TAP2: variants seen among roughly 807,000 people sequenced by gnomAD.
TAP2 encodes antigen peptide transporter 2.
In TAP2, 49 loss-of-function variants were observed where a neutral mutation model predicts 74.7. That is an observed-to-expected ratio of 0.66 (90% confidence interval 0.52 to 0.83). The LOEUF is 0.83. TAP2 is among the 40% of genes least tolerant of loss of function. The pLI is 0.00. For missense variants in TAP2, 739 were observed against 859.0 expected (o/e 0.86, Z 1.75); for synonymous variants, 306 against 368.4 (o/e 0.83, Z 1.94).
Position 32,829,384 on chromosome 6 carries a change from C to T in TAP2, c.1932+16G>A, listed in dbSNP as rs1374351084. 2.5e-6 allele frequency: 4 copies of T among 1,584,512 alleles called. No homozygotes were observed. Among genetic ancestry groups the T allele is most frequent in the Non-Finnish European group, 3.4e-6 (4 of 1,164,664 alleles). ...CTCCCAGGCCCCACTGTCCCCTGCC[C>T]TCTCACGGTACTCACGGCCTGCTCG... On this transcript the variant is annotated intron_variant, in intron 11 of 11. Transcript: ENST00000374897.
At position 32,832,328 on chromosome 6, in the gene TAP2, C is replaced by G; in HGVS notation, c.1272+5G>C. The G allele has an allele frequency of 6.2e-7, 1 of 1,613,022 alleles. No homozygotes were observed. The highest frequency in any genetic ancestry group is 1.7e-4 in the Middle Eastern group (1 of 6,048). The stretch of plus-strand genomic sequence containing the variant: ...AAAGGAGAGCAGGCTTGGCTTCTCG[C>G]TCACCTGCACATAGCTCCCCACGCT... On this transcript the variant is annotated splice_donor_5th_base_variant and intron_variant, in intron 7 of 11. Coordinates refer to ENST00000374897, the MANE Select transcript of TAP2 (RefSeq NM_001290043.2). This position sits in a 1 kb window ranked among gnomAD's most constrained non-coding sequence, Gnocchi z 5.9.
In TAP2 at chr6:32,830,411, C is replaced by T. The variant is rs757427345; in HGVS notation, c.1491G>A (p.Glu497=). 1 of 1,612,896 alleles carries T rather than the reference C, an allele frequency of 6.2e-7. No homozygotes were observed. Among genetic ancestry groups the T allele is most frequent in the South Asian group, 1.1e-5 (1 of 91,090 alleles). The change falls in exon 9 of 12, where the codon GAG becomes GAA. Residue 497 remains glutamate, a synonymous_variant. Coordinates refer to ENST00000374897, the MANE Select transcript of TAP2 (RefSeq NM_001290043.2). ...KGLTFTLRPG[E]VTALVGPNGS... ...CATTGGGTCCCACCAGCGCCGTCACCTCACCAGGACGTAGGGTAAACGTCA... is the reference window on the plus strand; with the variant it reads ...CATTGGGTCCCACCAGCGCCGTCACTTCACCAGGACGTAGGGTAAACGTCA...
intron 5 of TAP2, among the ~76,000 whole-genome samples, chr6:32,833,577 T>G (rs1387984738): frequency 6.6e-6 from 1 of 151,758 alleles, no homozygotes; most frequent in Non-Finnish European, 1.5e-5. Context: ...AAAACCACAA[T>G]GAGATAATCC....
rs748491551 is a variant in TAP2 at position 32,835,148 on chromosome 6, G to A, written c.945+6C>T. 1.5e-5 allele frequency: 24 copies of A among 1,612,030 alleles called. No individual in the cohort carries two copies. In the East Asian group the frequency reaches 1.6e-4, roughly 10 times the overall value. On this transcript the variant is annotated splice_donor_region_variant and intron_variant, in intron 5 of 11. Coordinates refer to ENST00000374897, the MANE Select transcript of TAP2 (RefSeq NM_001290043.2). This position sits in a 1 kb window ranked among gnomAD's most constrained non-coding sequence, Gnocchi z 4.0. Reference sequence around the variant, plus strand: ...CCCTTTGGGGTTCCCTTACATGCACGCTCACCTGATGGCGGGTGTTGTACA... The same window carrying A: ...CCCTTTGGGGTTCCCTTACATGCACACTCACCTGATGGCGGGTGTTGTACA...
At position 32,826,364 on chromosome 6, in the gene TAP2, T is replaced by C. The variant is rs1768649366; in HGVS notation, c.*2542A>G. ...CATTCATACTTTCCTTTAGAAAGAA[T>C]AAGGCATGCCTGGGTGGGAAAGATA... On this transcript the variant is annotated 3_prime_UTR_variant, in exon 12 of 12. Transcript: ENST00000374897. The C allele has an allele frequency of 1.0e-6, 1 of 985,262 alleles. No individual in the cohort carries two copies. Among genetic ancestry groups the C allele is most frequent in the Non-Finnish European group, 1.2e-6 (1 of 829,938 alleles). The allele number at this position is 985,262 out of a possible 1,614,324, so 61.0% of individuals were successfully genotyped here.
At position 32,835,888 on chromosome 6, in the gene TAP2, C is replaced by T; in HGVS notation, c.609-115G>A. On this transcript the variant is annotated intron_variant, in intron 3 of 11. Transcript: ENST00000374897. This position sits in a 1 kb window ranked among gnomAD's most constrained non-coding sequence, Gnocchi z 4.0. The stretch of plus-strand genomic sequence containing the variant: ...AGCGCAAAGTCAGGGGAAAGCATGC[C>T]AGGAGGGGCAAAAGAGAAAGAAATG... 1 of 1,322,970 alleles carries T rather than the reference C, an allele frequency of 7.6e-7. No individual in the cohort carries two copies. The highest frequency in any genetic ancestry group is 1.1e-6 in the Non-Finnish European group (1 of 929,526). The allele number at this position is 1,322,970 out of a possible 1,614,324, so 82.0% of individuals were successfully genotyped here.
Position 32,832,364 on chromosome 6 carries a change from A to T in TAP2, c.1241T>A (p.Ile414Asn). 6.2e-7 allele frequency: 1 copy of T among 1,613,014 alleles called. No individual in the cohort carries two copies. The change falls in exon 7 of 12, where the codon ATC (isoleucine) becomes AAC (asparagine). Residue 414 changes from isoleucine to asparagine, a missense_variant. By Grantham distance (149) the Ile-to-Asn change is moderately radical. Transcript: ENST00000374897. This position sits in a 1 kb window ranked among gnomAD's most constrained non-coding sequence, Gnocchi z 5.9. ...ATAGCTCCCCACGCTCTCCTGGTAG[A>T]TCATAAAGGAAAGCAGGCTGCCCTG... The part of the protein sequence containing the change: ...LTQGSLLSFM[I>N]YQESVGSYVQ...
Position 32,827,111 on chromosome 6 carries a change from G to T in TAP2, c.*1795C>A. The T allele has an allele frequency of 1.0e-6, 1 of 985,740 alleles. No individual in the cohort carries two copies. Among genetic ancestry groups the T allele is most frequent in the Non-Finnish European group, 1.2e-6 (1 of 829,936 alleles). The allele number at this position is 985,740 out of a possible 1,614,324, so 61.1% of individuals were successfully genotyped here. A position where few individuals can be genotyped will look rare whatever the true frequency, so the allele number is the denominator to read the frequency against. ...TCACTGCACCCTGCTCCCAACAGCT[G>T]CCAGGCAAGAAAAAATCCAAAACAG... is the stretch of plus-strand genomic sequence containing the variant. On this transcript the variant is annotated 3_prime_UTR_variant, in exon 12 of 12. Transcript: ENST00000374897.
chr6:32,822,325 A>T, downstream of TAP2: 1 of 1,489,456 alleles, frequency 6.7e-7, no homozygotes, highest in Middle Eastern at 1.8e-4. Flanking sequence ...TTTTCTAGAA[A>T]AAAAAAACAA....
At position 32,827,058 on chromosome 6, in the gene TAP2, C is replaced by T. The variant is rs139154453; in HGVS notation, c.*1848G>A. 2.0e-6 allele frequency: 2 copies of T among 985,638 alleles called. No homozygotes were observed. Among genetic ancestry groups the T allele is most frequent in the Non-Finnish European group, 2.4e-6 (2 of 829,940 alleles). The allele number at this position is 985,638 out of a possible 1,614,324, so 61.1% of individuals were successfully genotyped here. A position where few individuals can be genotyped will look rare whatever the true frequency, so the allele number is the denominator to read the frequency against. ...AGGATGAAAGAAAGGCAAATCTGCACAAGAAACTGCCCACTCTCACCCCAT... is the reference window on the plus strand; with the variant it reads ...AGGATGAAAGAAAGGCAAATCTGCATAAGAAACTGCCCACTCTCACCCCAT... On this transcript the variant is annotated 3_prime_UTR_variant, in exon 12 of 12. Coordinates refer to ENST00000374897, the MANE Select transcript of TAP2 (RefSeq NM_001290043.2).
chr6:32,823,950 C>T (rs1033207879), downstream of TAP2, among the ~76,000 whole-genome samples: 3 of 151,600 alleles, frequency 2.0e-5, no homozygotes, highest in Non-Finnish European at 2.9e-5. Context: ...ACAAAACTAG[C>T]TCATATCCTC....
chr6:32,831,304 T>G (rs940145119), intron 7 of TAP2, among the ~76,000 whole-genome samples: 3 of 152,212 alleles, frequency 2.0e-5, no homozygotes, highest in African/African-American at 7.2e-5. Context: ...CTGCCTTTCC[T>G]CATCAAACTG....
intron 5 of TAP2, among the ~76,000 whole-genome samples, chr6:32,834,379 A>G (rs1769277874): frequency 6.6e-6 from 1 of 152,264 alleles, no homozygotes; most frequent in Admixed American, 6.5e-5. Flanking sequence ...AAAATATGCC[A>G]GTCACAAAAA....
At chr6:32,822,931 T>C (rs1582544694), downstream of TAP2, among the ~76,000 whole-genome samples, 1 of 148,328 alleles carries the variant, frequency 6.7e-6, no homozygotes, top group East Asian at 1.9e-4. Flanking sequence ...TTTTTTTTTT[T>C]TTTTTTGAGG....
In TAP2 at chr6:32,827,647, G is replaced by A; in HGVS notation, c.*1259C>T. On this transcript the variant is annotated 3_prime_UTR_variant, in exon 12 of 12. Coordinates refer to ENST00000374897, the MANE Select transcript of TAP2 (RefSeq NM_001290043.2). ...GAAAATGGGCAAGAAAACACCATAT[G>A]CAAAGGCACAAAGGTGTTGGGGAAG... The A allele has an allele frequency of 1.3e-6, 1 of 784,726 alleles. No individual in the cohort carries two copies. Among genetic ancestry groups the A allele is most frequent in the African/African-American group, 1.8e-5 (1 of 54,336 alleles). 48.6% of individuals were successfully genotyped at this position (784,726 alleles called of 1,614,324 possible). A position where few individuals can be genotyped will look rare whatever the true frequency, so the allele number is the denominator to read the frequency against.
chr6:32,828,676 C>CCT lies in TAP2; in HGVS notation c.*229_*230insAG. 2 of 802,754 alleles carry CCT rather than the reference C, an allele frequency of 2.5e-6. No homozygotes were observed. Among genetic ancestry groups the CCT allele is most frequent in the Non-Finnish European group, 2.9e-6 (2 of 680,840 alleles). The allele number at this position is 802,754 out of a possible 1,614,324, so 49.7% of individuals were successfully genotyped here. ...AATTAAGTTTCCTGGACACAGACAGCCCCCACCCCACCCCACCCCACCTCT... is the reference window on the plus strand; with the variant it reads ...AATTAAGTTTCCTGGACACAGACAGCCTCCCCACCCCACCCCACCCCACCTCT... On this transcript the variant is annotated 3_prime_UTR_variant, in exon 12 of 12. Coordinates refer to ENST00000374897, the MANE Select transcript of TAP2 (RefSeq NM_001290043.2).
In TAP2 at chr6:32,828,818, G is replaced by C. The variant is rs1408083331; in HGVS notation, c.*88C>G. The C allele has an allele frequency of 4.0e-6, 6 of 1,484,282 alleles. No individual in the cohort carries two copies. Among genetic ancestry groups the C allele is most frequent in the Non-Finnish European group, 4.5e-6 (5 of 1,112,180 alleles). The allele number at this position is 1,484,282 out of a possible 1,614,324, so 91.9% of individuals were successfully genotyped here. A position where few individuals can be genotyped will look rare whatever the true frequency, so the allele number is the denominator to read the frequency against. On this transcript the variant is annotated 3_prime_UTR_variant, in exon 12 of 12. Transcript: ENST00000374897. Reference sequence around the variant, plus strand: ...AGCAGGAACAGCTCTGGGTCCTGGAGACGCCCCTGAGAAGAGGGCCCAGTA... The same window carrying C: ...AGCAGGAACAGCTCTGGGTCCTGGACACGCCCCTGAGAAGAGGGCCCAGTA...
chr6:32,837,771 C>T lies in TAP2; in HGVS notation c.463G>A (p.Ala155Thr), dbSNP rs763454543. The T allele has an allele frequency of 3.1e-6, 5 of 1,614,178 alleles. No homozygotes were observed. The highest frequency in any genetic ancestry group is 3.4e-6 in the Non-Finnish European group (4 of 1,180,030). Residue 155 changes from alanine (A) to threonine (T), a missense_variant, in exon 2 of 12, where the codon GCC becomes ACC. Transcript: ENST00000374897. ...SRPDLPLLVAAFFFLVLAVLG... is the reference protein window; with the variant it reads ...SRPDLPLLVATFFFLVLAVLG... ...ACAGCAAGGACAAGGAAGAAGAAGG[C>T]GGCAACGAGGAGAGGCAGGTCCGGC...
intron 5 of TAP2, among the ~76,000 whole-genome samples, chr6:32,834,254 A>T (rs1458856243): frequency 6.6e-6 from 1 of 152,290 alleles, no homozygotes; most frequent in Admixed American, 6.5e-5. Flanking sequence ...TTGACAGATG[A>T]ATGGATAATC....
Sources: gnomAD v4.1 joint callset for allele counts (sites outside exome capture counted in the v4.1 genomes callset) on GRCh38, gnomAD v4.1.1 for gene constraint, Gnocchi (gnomAD v3.1) non-coding constraint, MANE v1.5 for transcripts, NCBI Gene and HGNC (gene_info 2026-07-23, HGNC 2026-07-21) for gene names.